The following MLLT10 variants were observed in gnomAD, a reference collection of about 807,000 sequenced individuals.
MLLT10 encodes the protein protein AF-10.
A neutral mutation model predicts 129.1 loss-of-function variants in MLLT10; 30 were observed. The observed-to-expected ratio is 0.23, with a 90% CI of 0.17 to 0.32. The LOEUF is 0.32. MLLT10 is among the 10% of genes least tolerant of loss of function. MLLT10 has a pLI of 1.00. For synonymous variants in MLLT10, 490 were observed against 446.4 expected (o/e 1.10, Z -1.23); for missense variants, 1,119 against 1,268.3 (o/e 0.88, Z 1.79).
At chr10:21,548,076 C>G (rs2036400222) in intron 3 of MLLT10, among the ~76,000 whole-genome samples, 2 of 151,980 alleles carry the variant, frequency 1.3e-5, no homozygotes, top group African/African-American at 4.8e-5. Context: ...CTCTTGGAAG[C>G]TAGTTTGAAT....
chr10:21,599,883 CTT>C (rs1206384382), intron 5 of MLLT10, among the ~76,000 whole-genome samples: 5 of 152,098 alleles, frequency 3.3e-5, no homozygotes, highest in Non-Finnish European at 7.4e-5. Context: ...CATCTTGTGG[CTT>C]TAAGACTAAA....
chr10:21,568,000 T>C (rs2039785204), intron 3 of MLLT10, among the ~76,000 whole-genome samples: 1 of 152,024 alleles, frequency 6.6e-6, no homozygotes, highest in African/African-American at 2.4e-5. Flanking sequence ...TTATTTTTAG[T>C]AGAGATGGGG....
intron 3 of MLLT10, among the ~76,000 whole-genome samples, chr10:21,581,213 T>G (rs77809150): frequency 6.6e-6 from 1 of 151,226 alleles, no homozygotes; most frequent in Non-Finnish European, 1.5e-5. Context: ...ACCTGGCTTA[T>G]TTTTTTTGTA....
intron 21 of MLLT10, chr10:21,738,568 T>C: frequency 7.9e-7 from 1 of 1,265,220 alleles, no homozygotes; most frequent in Non-Finnish European, 1.0e-6. Context: ...TAGGTGAGGA[T>C]TTTTTGGAAG....
At chr10:21,553,316 G>T (rs929009047) in intron 3 of MLLT10, among the ~76,000 whole-genome samples, 1 of 151,760 alleles carries the variant, frequency 6.6e-6, no homozygotes, top group South Asian at 2.1e-4. Context: ...CAAGTCCAAA[G>T]CAGTTCTAAT....
At chr10:21,637,766 G>C (rs2047595157) in intron 8 of MLLT10, among the ~76,000 whole-genome samples, 1 of 152,180 alleles carries the variant, frequency 6.6e-6, no homozygotes, top group South Asian at 2.1e-4. Context: ...ATGGCAAAGA[G>C]GCATTAGAAA....
intron 21 of MLLT10, among the ~76,000 whole-genome samples, chr10:21,738,232 ACT>A (rs909252650): frequency 6.6e-6 from 1 of 151,682 alleles, no homozygotes; most frequent in Non-Finnish European, 1.5e-5. Flanking sequence ...ACACCACCGC[ACT>A]CCAGCCTGGA....
chr10:21,646,886 C>T (rs902307900), intron 8 of MLLT10, among the ~76,000 whole-genome samples: 2 of 147,568 alleles, frequency 1.4e-5, no homozygotes, highest in African/African-American at 2.5e-5. Context: ...GACGGAGTCT[C>T]GCTCTGTCGC....
intron 15 of MLLT10, among the ~76,000 whole-genome samples, chr10:21,727,343 T>G (rs2057594292): frequency 1.3e-5 from 2 of 152,196 alleles, no homozygotes; most frequent in South Asian, 2.1e-4. Flanking sequence ...ATTTGGAAAT[T>G]TAGTGTTTTA....
chr10:21,694,652 C>CAT (rs2054184456), intron 13 of MLLT10, among the ~76,000 whole-genome samples: 1 of 152,230 alleles, frequency 6.6e-6, no homozygotes, highest in Non-Finnish European at 1.5e-5. Context: ...GTTCTGTTGA[C>CAT]ATATCCCTGT....
At chr10:21,550,180 G>A (rs1003855252) in intron 3 of MLLT10, among the ~76,000 whole-genome samples, 1 of 152,180 alleles carries the variant, frequency 6.6e-6, no homozygotes, top group Admixed American at 6.5e-5. Flanking sequence ...CAGTCTCTAA[G>A]TTTGTTTCTT....
At chr10:21,553,252 T>C (rs991283126) in intron 3 of MLLT10, among the ~76,000 whole-genome samples, 2 of 152,180 alleles carry the variant, frequency 1.3e-5, no homozygotes, top group African/African-American at 4.8e-5. Flanking sequence ...TCATTTTCCG[T>C]CAGAATTTGA....
intron 3 of MLLT10, among the ~76,000 whole-genome samples, chr10:21,583,673 T>C (rs1446379510): frequency 6.6e-6 from 1 of 152,084 alleles, no homozygotes; most frequent in Non-Finnish European, 1.5e-5. Flanking sequence ...GGTGGCAGGC[T>C]CTTTTTACCA....
intron 8 of MLLT10, among the ~76,000 whole-genome samples, chr10:21,636,981 TTCC>T (rs1255168820): frequency 6.6e-6 from 1 of 152,212 alleles, no homozygotes; most frequent in Non-Finnish European, 1.5e-5. Context: ...TTTTTCTTCC[TTCC>T]TCATAAGGCC....
chr10:21,545,002 G>A (rs904347795), intron 3 of MLLT10, among the ~76,000 whole-genome samples: 1 of 152,130 alleles, frequency 6.6e-6, no homozygotes, highest in Non-Finnish European at 1.5e-5. Flanking sequence ...AAAATTAGCC[G>A]GGTGTGGTGG....
At chr10:21,737,687 C>G (rs181135054) in intron 21 of MLLT10, among the ~76,000 whole-genome samples, 1 of 152,004 alleles carries the variant, frequency 6.6e-6, no homozygotes, top group African/African-American at 2.4e-5. Flanking sequence ...AAGTATGGAC[C>G]GAGACCCAAG....
At chr10:21,619,639 G>A (rs994021750) in intron 8 of MLLT10, among the ~76,000 whole-genome samples, 9 of 152,022 alleles carry the variant, frequency 5.9e-5, no homozygotes, top group Non-Finnish European at 7.4e-5. Context: ...TTTACTTTTC[G>A]CATATATAAG....
At chr10:21,620,528 G>GT (rs1282881698) in intron 8 of MLLT10, among the ~76,000 whole-genome samples, 6 of 152,100 alleles carry the variant, frequency 3.9e-5, no homozygotes, top group Non-Finnish European at 7.3e-5. Flanking sequence ...TTATGATGGG[G>GT]TTATTGTAAG....
At position 21,743,147 on chromosome 10, in the gene MLLT10, G is replaced by A. The variant is rs1395250868; in HGVS notation, c.*1164G>A. 3 of 230,096 alleles carry A rather than the reference G, an allele frequency of 1.3e-5. No homozygotes were observed. The highest frequency in any genetic ancestry group is 1.7e-5 in the Non-Finnish European group (2 of 115,980). 14.3% of individuals were successfully genotyped at this position (230,096 alleles called of 1,614,324 possible). ...GCAGAGTGATTCCCCCACTGAGGATGTCATCATCAAACTCTTCTTTGGTGT... is the reference window on the plus strand; with the variant it reads ...GCAGAGTGATTCCCCCACTGAGGATATCATCATCAAACTCTTCTTTGGTGT... On this transcript the variant is annotated 3_prime_UTR_variant, in exon 23 of 23. Coordinates refer to ENST00000307729, the MANE Select transcript of MLLT10 (RefSeq NM_001195626.3).
Sources: allele counts gnomAD v4.1 joint callset (sites outside exome capture counted in the v4.1 genomes callset), GRCh38; gene constraint gnomAD v4.1.1; transcripts MANE v1.5; gene names NCBI Gene and HGNC (gene_info 2026-07-23, HGNC 2026-07-21).